The following PCBP3 variants were observed in gnomAD, a reference collection of about 807,000 sequenced individuals.
PCBP3 encodes the protein poly(rC)-binding protein 3.
A neutral mutation model predicts 52.7 loss-of-function variants in PCBP3; 25 were observed. The observed-to-expected ratio is 0.47, with a 90% CI of 0.35 to 0.66. The LOEUF (loss-of-function observed/expected upper bound fraction) is 0.66. Ranked by LOEUF, PCBP3 falls within the 30% of genes least tolerant of loss-of-function variation. PCBP3 has a pLI of 0.01. For synonymous variants in PCBP3, 162 were observed against 183.0 expected (o/e 0.89, Z 0.93); for missense variants, 391 against 490.3 (o/e 0.80, Z 1.91).
rs1267096453 is a variant in PCBP3, at chr21:45,757,469, G to A, written c.-126+2017G>A. On this transcript the variant is annotated intron_variant, in intron 4 of 17. Coordinates refer to ENST00000681687, the MANE Select transcript of PCBP3 (RefSeq NM_001384156.1). ...ATTGCTATCAGTTTTCTTTCATTTA[G>A]TAGGTTGTCTTTTCATTTTCTTGGT... 8.5e-5 allele frequency among the ~76,000 whole-genome samples: 13 copies of A among 152,126 alleles called. 1 individual carries two copies. Among genetic ancestry groups the A allele is most frequent in the Admixed American group, 8.5e-4 (13 of 15,276 alleles).
chr21:45,833,787 G>C (rs897141498), intron 4 of PCBP3, among the ~76,000 whole-genome samples: 1 of 152,262 alleles, frequency 6.6e-6, no homozygotes, highest in Admixed American at 6.5e-5. Flanking sequence ...GCCCCATGCA[G>C]GGCAGGGTCA....
intron 4 of PCBP3, chr21:45,761,959 C>T (rs1311301026): frequency 6.6e-6 from 1 of 152,292 alleles, no homozygotes; most frequent in Admixed American, 6.5e-5. Context: ...CCGTGGAATG[C>T]ACTGTCATTC....
At chr21:45,923,727 A>G (rs543744578) in intron 13 of PCBP3, among the ~76,000 whole-genome samples, 2 of 152,386 alleles carry the variant, frequency 1.3e-5, no homozygotes, top group East Asian at 1.9e-4. Flanking sequence ...GAAACCATCA[A>G]CAATTCCCAA....
intron 4 of PCBP3, among the ~76,000 whole-genome samples, chr21:45,790,731 G>T (rs1172483198): frequency 6.6e-6 from 1 of 152,140 alleles, no homozygotes; most frequent in African/African-American, 2.4e-5. Context: ...CTGTGGACAG[G>T]TGGGGTAAGG....
At position 45,805,894 on chromosome 21, in the gene PCBP3, T is replaced by TG. The variant is rs550097996; in HGVS notation, c.-125-44060dup. ...GAGGAAAGGAGGGCGAGAGCAGAGC[T>TG]GGGGGGGCGGGCCATGAGGGGAAGT... On this transcript the variant is annotated intron_variant, in intron 4 of 17. Transcript: ENST00000681687. The surrounding 1 kb of genome is among the most constrained non-coding windows in gnomAD (Gnocchi z 4.6). 3.2e-4 allele frequency among the ~76,000 whole-genome samples: 48 copies of TG among 151,794 alleles called. No individual in the cohort carries two copies. The highest frequency in any genetic ancestry group is 1.2e-3 in the East Asian group (6 of 5,154).
intron 3 of PCBP3, among the ~76,000 whole-genome samples, chr21:45,745,987 GCA>G (rs2086812664): frequency 1.4e-5 from 2 of 145,128 alleles, no homozygotes; most frequent in Admixed American, 6.9e-5. Context: ...TTGACGTAGC[GCA>G]CACGGTGTTG....
chr21:45,935,459 C>G, intron 16 of PCBP3, 154 bp downstream of exon 16: 1 of 707,814 alleles, frequency 1.4e-6, no homozygotes, highest in Non-Finnish European at 2.6e-6. Flanking sequence ...CCCTCCTTTC[C>G]TTTTTAAAGT....
intron 4 of PCBP3, among the ~76,000 whole-genome samples, chr21:45,825,996 G>A (rs996614651): frequency 6.6e-6 from 1 of 152,212 alleles, no homozygotes; most frequent in Non-Finnish European, 1.5e-5. Flanking sequence ...TGAGGGCGGG[G>A]TGCAGTGGCT....
intron 2 of PCBP3, among the ~76,000 whole-genome samples, chr21:45,698,794 C>T (rs1257096414): frequency 4.6e-5 from 7 of 152,162 alleles, no homozygotes; most frequent in African/African-American, 1.7e-4. Flanking sequence ...TTGGCTTGGC[C>T]CTTCTTCATT....
intron 1 of PCBP3, among the ~76,000 whole-genome samples, chr21:45,655,294 GCTGCAA>G (rs1437517952): frequency 2.0e-5 from 3 of 151,596 alleles, no homozygotes; most frequent in African/African-American, 7.3e-5. Flanking sequence ...TCCCGAAGAT[GCTGCAA>G]CATCTTCGGG....
In PCBP3 at chr21:45,904,491, CTG is replaced by C. The variant is rs1026907652; in HGVS notation, c.339+3381_339+3382del. ...TTGGTCCTTCGGTTTTTCCAGAAGA[CTG>C]TGGATGGTCAGGACAGTGTTGTTCT... On this transcript the variant is annotated intron_variant, in intron 9 of 17. Transcript: ENST00000681687. The surrounding 1 kb of genome is among the most constrained non-coding windows in gnomAD (Gnocchi z 4.8). 6.6e-6 allele frequency among the ~76,000 whole-genome samples: 1 copy of C among 152,050 alleles called. No homozygotes were observed. The highest frequency in any genetic ancestry group is 1.5e-5 in the Non-Finnish European group (1 of 68,030).
intron 4 of PCBP3, among the ~76,000 whole-genome samples, chr21:45,792,805 A>G (rs1258715060): frequency 6.6e-6 from 1 of 152,218 alleles, no homozygotes; most frequent in Non-Finnish European, 1.5e-5. Flanking sequence ...GCTGGCTGGC[A>G]GCACTTACTC....
intron 13 of PCBP3, among the ~76,000 whole-genome samples, chr21:45,927,092 T>G (rs1176817938): frequency 6.6e-6 from 1 of 152,108 alleles, no homozygotes; most frequent in Non-Finnish European, 1.5e-5. Flanking sequence ...GGCCTGTTTC[T>G]TGGCCTGAGT....
rs115581619 is a variant in PCBP3 at position 45,940,015 on chromosome 21, C to T, written c.910-15C>T. On this transcript the variant is annotated splice_polypyrimidine_tract_variant and intron_variant, in intron 16 of 17. Coordinates refer to ENST00000681687, the MANE Select transcript of PCBP3 (RefSeq NM_001384156.1). ...TGGGCTGTTCTCTAAGAAATCCCCC[C>T]GTCCTTGTTTCTAGCTAATAGGCTG... The T allele has an allele frequency of 4.5e-4, 720 of 1,610,082 alleles. 7 individuals carry two copies. In the African/African-American group the frequency reaches 7.7e-3, roughly 17 times the overall value.
intron 5 of PCBP3, among the ~76,000 whole-genome samples, chr21:45,860,104 T>A (rs1222842268): frequency 6.6e-6 from 1 of 152,090 alleles, no homozygotes. Context: ...TGGACTTCAG[T>A]GGGTAACCGA....
chr21:45,659,767 ATC>A (rs1358919082), intron 1 of PCBP3, among the ~76,000 whole-genome samples: 5 of 152,198 alleles, frequency 3.3e-5, no homozygotes, highest in Admixed American at 3.3e-4. Context: ...TTAAATTTTT[ATC>A]TGTTACTGAT....
intron 2 of PCBP3, among the ~76,000 whole-genome samples, chr21:45,671,171 T>G (rs991079386): frequency 8.5e-5 from 13 of 152,210 alleles, no homozygotes; most frequent in African/African-American, 2.7e-4. Context: ...AATGCTGTCC[T>G]GGGAAAGGGG....
chr21:45,826,393 C>T (rs970237596), intron 4 of PCBP3, among the ~76,000 whole-genome samples: 16 of 152,132 alleles, frequency 1.1e-4, no homozygotes, highest in Non-Finnish European at 2.4e-4. Context: ...ATCCACATAA[C>T]GCAGGTGAAT....
intron 4 of PCBP3, among the ~76,000 whole-genome samples, chr21:45,787,822 A>G (rs1161555113): frequency 6.6e-6 from 1 of 152,230 alleles, no homozygotes; most frequent in Non-Finnish European, 1.5e-5. Flanking sequence ...GTGTTACCAG[A>G]TTTTTAAAAA....
Sources: gnomAD v4.1 joint callset for allele counts (sites outside exome capture counted in the v4.1 genomes callset) on GRCh38, gnomAD v4.1.1 for gene constraint, Gnocchi (gnomAD v3.1) non-coding constraint, MANE v1.5 for transcripts, NCBI Gene and HGNC (gene_info 2026-07-23, HGNC 2026-07-21) for gene names.